Variants in LINGO2 observed in about 807,000 individuals in gnomAD.
The protein encoded by LINGO2 is leucine-rich repeat and immunoglobulin-like domain-containing nogo receptor-interacting protein 2.
A neutral mutation model predicts 30.6 loss-of-function variants in LINGO2; 14 were observed. That is an observed-to-expected ratio of 0.46 (90% CI 0.30 to 0.72). The LOEUF is 0.72. Among genes scored for constraint, LINGO2 ranks in the 30% least tolerant of loss-of-function variants. The pLI is 0.07. For missense variants in LINGO2, 729 were observed against 751.7 expected (o/e 0.97, Z 0.35); for synonymous variants, 317 against 288.5 (o/e 1.10, Z -1.00).
At chr9:28,800,042 GA>G in the LINGO2 span, among the ~76,000 whole-genome samples, 2 of 152,016 alleles carry the variant, frequency 1.3e-5, no homozygotes, top group African/African-American at 4.8e-5. Context: ...TTGTTTCAAA[GA>G]TTCTATGGTA....
At chr9:28,332,877 T>G (rs1055981168) in intron 3 of LINGO2, among the ~76,000 whole-genome samples, 1 of 152,148 alleles carries the variant, frequency 6.6e-6, no homozygotes, top group Non-Finnish European at 1.5e-5. Flanking sequence ...GGGGGCTGAC[T>G]CAATGGTCTC....
At chr9:28,406,918 A>G (rs894718402) in intron 2 of LINGO2, among the ~76,000 whole-genome samples, 1 of 152,166 alleles carries the variant, frequency 6.6e-6, no homozygotes, top group Non-Finnish European at 1.5e-5. Flanking sequence ...TGATGATTCT[A>G]TAGTCCAGAC....
At chr9:28,467,419 C>T (rs993482187) in intron 2 of LINGO2, among the ~76,000 whole-genome samples, 6 of 152,050 alleles carry the variant, frequency 3.9e-5, no homozygotes, top group Admixed American at 1.3e-4. Flanking sequence ...ACATGAGAAA[C>T]GTATAGATTC....
At chr9:28,572,299 G>A (rs2135596910) in intron 1 of LINGO2, among the ~76,000 whole-genome samples, 1 of 152,102 alleles carries the variant, frequency 6.6e-6, no homozygotes, top group South Asian at 2.1e-4. Flanking sequence ...TTTATCAAAT[G>A]GAATTGATTT....
the LINGO2 span, among the ~76,000 whole-genome samples, chr9:29,083,862 A>G: frequency 2.0e-5 from 3 of 152,236 alleles, no homozygotes; most frequent in Middle Eastern, 6.8e-3. Context: ...GGATGGCAAT[A>G]AAAGGATCAG....
the LINGO2 span, among the ~76,000 whole-genome samples, chr9:29,043,535 G>GTA: frequency 1.3e-5 from 2 of 151,952 alleles, no homozygotes; most frequent in Non-Finnish European, 2.9e-5. Flanking sequence ...GTTCTAACAT[G>GTA]TATGTGTTGA....
intron 4 of LINGO2, among the ~76,000 whole-genome samples, chr9:28,159,472 ATACT>A (rs1272541977): frequency 1.3e-5 from 2 of 148,912 alleles, no homozygotes; most frequent in African/African-American, 2.6e-5. Context: ...TTGACAAATA[ATACT>A]TATATATATT....
chr9:29,067,950 C>T, the LINGO2 span, among the ~76,000 whole-genome samples: 1 of 151,654 alleles, frequency 6.6e-6, no homozygotes, highest in Non-Finnish European at 1.5e-5. Context: ...TAGAATAAGA[C>T]TATCGATTGG....
intron 3 of LINGO2, among the ~76,000 whole-genome samples, chr9:28,315,005 G>GT (rs1276428159): frequency 1.3e-5 from 1 of 79,528 alleles, no homozygotes; most frequent in African/African-American, 4.5e-5. Flanking sequence ...GCAAGACTAC[G>GT]TCTCAAAAAA....
chr9:27,937,732 C>G, the LINGO2 span: 5 of 152,038 alleles, frequency 3.3e-5, no homozygotes, highest in Middle Eastern at 3.2e-3. Flanking sequence ...ATCAGCTCCC[C>G]TCCCACCCCT....
chr9:28,486,072 G>A (rs779757383), intron 1 of LINGO2, among the ~76,000 whole-genome samples: 19 of 151,962 alleles, frequency 1.3e-4, no homozygotes, highest in Non-Finnish European at 2.1e-4. Flanking sequence ...ACATACTCTC[G>A]GAATTAATTT....
At chr9:28,774,921 A>T in the LINGO2 span, among the ~76,000 whole-genome samples, 1 of 152,104 alleles carries the variant, frequency 6.6e-6, no homozygotes, top group Non-Finnish European at 1.5e-5. Context: ...TTGACTGTTT[A>T]TGTGTTTTGC....
At chr9:28,004,758 T>C (rs754487449) in intron 5 of LINGO2, among the ~76,000 whole-genome samples, 1 of 152,142 alleles carries the variant, frequency 6.6e-6, no homozygotes, top group Non-Finnish European at 1.5e-5. Context: ...AGAGAGCTGA[T>C]GTAGCAGAAT....
At chr9:29,086,845 A>C in the LINGO2 span, among the ~76,000 whole-genome samples, 279 of 151,994 alleles carry the variant, frequency 1.8e-3, 1 homozygote, top group African/African-American at 6.4e-3. Flanking sequence ...TGTTAGATTC[A>C]GCATTTACTT....
At chr9:28,525,396 G>C (rs1408139111) in intron 1 of LINGO2, among the ~76,000 whole-genome samples, 1 of 152,034 alleles carries the variant, frequency 6.6e-6, no homozygotes, top group African/African-American at 2.4e-5. Context: ...TAATCAAAAA[G>C]TGGAAACAAC....
chr9:29,111,754 G>C, the LINGO2 span, among the ~76,000 whole-genome samples: 1 of 150,912 alleles, frequency 6.6e-6, no homozygotes, highest in Non-Finnish European at 1.5e-5. Context: ...GAAATTTTGG[G>C]AGTCGGAAGG....
chr9:27,958,345 G>C (rs962674585), intron 5 of LINGO2, among the ~76,000 whole-genome samples: 1 of 151,992 alleles, frequency 6.6e-6, no homozygotes, highest in African/African-American at 2.4e-5. Flanking sequence ...TTTTGGAATT[G>C]TTCTGTTAAT....
At chr9:28,402,579 C>T (rs935360594) in intron 2 of LINGO2, among the ~76,000 whole-genome samples, 1 of 151,884 alleles carries the variant, frequency 6.6e-6, no homozygotes, top group Non-Finnish European at 1.5e-5. Context: ...CTTCTTCCCT[C>T]TCCCTCCTTC....
intron 4 of LINGO2, among the ~76,000 whole-genome samples, chr9:28,028,039 C>T (rs1255740942): frequency 6.6e-6 from 1 of 152,088 alleles, no homozygotes; most frequent in Non-Finnish European, 1.5e-5. Flanking sequence ...ATTTATTGAG[C>T]AGGTGTCAAA....
Sources: allele counts gnomAD v4.1 joint callset (sites outside exome capture counted in the v4.1 genomes callset), GRCh38; gene constraint gnomAD v4.1.1; transcripts MANE v1.5; gene names NCBI Gene and HGNC (gene_info 2026-07-23, HGNC 2026-07-21).